The following DLGAP4 variants were observed in gnomAD, a reference collection of about 807,000 sequenced individuals.
DLGAP4 encodes the protein disks large-associated protein 4.
DLGAP4 carries 18 observed loss-of-function variants against 86.9 expected under a neutral mutation model. The observed-to-expected ratio is 0.21, with a 90% confidence interval of 0.14 to 0.31. The LOEUF (loss-of-function observed/expected upper bound fraction) is 0.31. DLGAP4 is among the 10% of genes least tolerant of loss of function. The pLI, the probability that DLGAP4 is intolerant of heterozygous loss-of-function variation, is 1.00. For missense variants in DLGAP4, 1,085 were observed against 1,362.6 expected (o/e 0.80, Z 3.21); for synonymous variants, 548 against 574.3 (o/e 0.95, Z 0.65).
At chr20:36,462,651 CGGCCGA>C (rs757628425) in intron 7 of DLGAP4, 91 of 1,554,098 alleles carry the variant, frequency 5.9e-5, no homozygotes, top group Non-Finnish European at 7.5e-5. Context: ...AGGCTGGCCG[CGGCCGA>C]GGCTCCATGG....
chr20:36,506,769 C>T (rs1204588283), intron 10 of DLGAP4, among the ~76,000 whole-genome samples: 1 of 152,188 alleles, frequency 6.6e-6, no homozygotes, highest in Non-Finnish European at 1.5e-5. Flanking sequence ...ATCTCTAGAA[C>T]TTGTTTTGTC....
At chr20:36,503,320 A>G (rs1029628283) in intron 10 of DLGAP4, among the ~76,000 whole-genome samples, 2 of 152,040 alleles carry the variant, frequency 1.3e-5, no homozygotes, top group African/African-American at 4.8e-5. Context: ...TGGTGCAACC[A>G]TCACTACTGT....
intron 8 of DLGAP4, chr20:36,497,362 C>G: frequency 7.9e-7 from 1 of 1,260,840 alleles, no homozygotes; most frequent in Non-Finnish European, 1.0e-6. Context: ...GTTTGCCTGT[C>G]CACTGTCTGT....
chr20:36,454,641 G>A lies in DLGAP4; in HGVS notation c.1648+7704G>A, dbSNP rs544184421. 5.3e-5 allele frequency among the ~76,000 whole-genome samples: 8 copies of A among 152,250 alleles called. No individual in the cohort carries two copies. In the East Asian group the frequency reaches 1.5e-3, roughly 29 times the overall value. ...ATCTGTCTCCAAGGAGTGAGCAATC[G>A]GGTCCTTTCTCCACCCCCAGGGCTG... On this transcript the variant is annotated intron_variant, in intron 7 of 12. Coordinates refer to ENST00000339266, the MANE Select transcript of DLGAP4 (RefSeq NM_001365621.2).
chr20:36,468,298 A>G (rs2034508021), intron 7 of DLGAP4, among the ~76,000 whole-genome samples: 2 of 152,234 alleles, frequency 1.3e-5, no homozygotes. Context: ...CAGCCAACGC[A>G]ATCAGTCACC....
chr20:36,307,691 G>GC (rs1264962448), intron 1 of DLGAP4, among the ~76,000 whole-genome samples: 4 of 152,144 alleles, frequency 2.6e-5, no homozygotes, highest in Non-Finnish European at 5.9e-5. Flanking sequence ...GGAGGGGGCT[G>GC]CAGTTCCAGC....
chr20:36,391,470 C>A (rs2031782311), intron 2 of DLGAP4, among the ~76,000 whole-genome samples: 1 of 152,202 alleles, frequency 6.6e-6, no homozygotes, highest in Non-Finnish European at 1.5e-5. Context: ...GCACCCACCA[C>A]AGAGGGCCCT....
At chr20:36,516,538 C>A (rs1277058241) in intron 10 of DLGAP4, among the ~76,000 whole-genome samples, 1 of 151,716 alleles carries the variant, frequency 6.6e-6, no homozygotes, top group African/African-American at 2.4e-5. Context: ...TGGTGGCGTG[C>A]ACCTGTAATC....
At chr20:36,386,715 C>G (rs2425238) in intron 2 of DLGAP4, among the ~76,000 whole-genome samples, 108,996 of 151,936 alleles carry the variant, frequency 0.72, 39,689 homozygotes, top group African/African-American at 0.85. Context: ...CTCCCAAGTA[C>G]CTGGGGGACT....
chr20:36,484,572 G>A (rs910473323), intron 7 of DLGAP4, among the ~76,000 whole-genome samples: 2 of 152,262 alleles, frequency 1.3e-5, no homozygotes, highest in Non-Finnish European at 2.9e-5. Context: ...GTGTCCTGGT[G>A]CCAAGAGCCT....
intron 11 of DLGAP4, chr20:36,525,567 C>G: frequency 2.0e-6 from 1 of 495,888 alleles, no homozygotes; most frequent in Non-Finnish European, 3.7e-6. Flanking sequence ...TGTTTCTTCC[C>G]TGCAAAACGA....
intron 2 of DLGAP4, among the ~76,000 whole-genome samples, chr20:36,419,451 A>T (rs1313302926): frequency 1.3e-5 from 2 of 152,138 alleles, no homozygotes; most frequent in African/African-American, 4.8e-5. Flanking sequence ...TCTGCATAGT[A>T]AATCACCCCA....
intron 7 of DLGAP4, chr20:36,461,519 C>T (rs1490979720): frequency 1.6e-5 from 16 of 983,138 alleles, no homozygotes; most frequent in Non-Finnish European, 1.9e-5. Context: ...GGGTGAGTGC[C>T]CGCCGCTGGC....
intron 1 of DLGAP4, among the ~76,000 whole-genome samples, chr20:36,316,595 G>A (rs897062650): frequency 6.6e-6 from 1 of 152,182 alleles, no homozygotes; most frequent in African/African-American, 2.4e-5. Context: ...GCTGGGGCCT[G>A]GCACACAGCA....
chr20:36,507,923 C>G (rs1221621214), intron 10 of DLGAP4: 1 of 152,268 alleles, frequency 6.6e-6, no homozygotes, highest in Admixed American at 6.5e-5. Context: ...AAGGCCAGGA[C>G]TGCCAGCCAC....
chr20:36,468,356 G>A (rs1290857628), intron 7 of DLGAP4, among the ~76,000 whole-genome samples: 1 of 152,240 alleles, frequency 6.6e-6, no homozygotes, highest in Non-Finnish European at 1.5e-5. Flanking sequence ...GCACAGGAGA[G>A]CCAAGTGACG....
chr20:36,314,181 G>C (rs1051228909), intron 1 of DLGAP4, among the ~76,000 whole-genome samples: 1 of 151,520 alleles, frequency 6.6e-6, no homozygotes, highest in Admixed American at 6.6e-5. Flanking sequence ...GCGGCCTGGG[G>C]GTGTCGACTA....
rs940828775 is a variant in DLGAP4 at position 36,485,809 on chromosome 20, C to T, written c.1649-10896C>T. Among the ~76,000 whole-genome samples, 4 of 152,226 alleles carry T rather than the reference C, an allele frequency of 2.6e-5. No individual in the cohort carries two copies. The East Asian group carries it at 7.7e-4, about 29-fold the overall frequency. ...AAATCTGTACAAATGCTACACCTTGCCTGGAAAGTGTTGCTGGAAGCACCA... is the reference window on the plus strand; with the variant it reads ...AAATCTGTACAAATGCTACACCTTGTCTGGAAAGTGTTGCTGGAAGCACCA... On this transcript the variant is annotated intron_variant, in intron 7 of 12. Transcript: ENST00000339266.
intron 1 of DLGAP4, among the ~76,000 whole-genome samples, chr20:36,333,899 A>C (rs573965043): frequency 1.3e-5 from 2 of 152,358 alleles, no homozygotes; most frequent in South Asian, 4.1e-4. Flanking sequence ...TGGGAAACTC[A>C]TGGGACCTGC....
Sources: gnomAD v4.1 joint callset for allele counts (sites outside exome capture counted in the v4.1 genomes callset) on GRCh38, gnomAD v4.1.1 for gene constraint, MANE v1.5 for transcripts, NCBI Gene and HGNC (gene_info 2026-07-23, HGNC 2026-07-21) for gene names.